THSD7B: variants seen among roughly 807,000 people sequenced by gnomAD.
The protein encoded by THSD7B is thrombospondin type 1 domain containing 7B.
In THSD7B, 138 loss-of-function variants were observed where a neutral mutation model predicts 213.6. The ratio of observed to expected loss-of-function variants is 0.65; its 90% CI spans 0.56 to 0.74. The LOEUF (loss-of-function observed/expected upper bound fraction) is 0.74. Ranked by LOEUF, THSD7B falls within the 30% of genes least tolerant of loss-of-function variation. THSD7B has a pLI of 0.00. For missense variants in THSD7B, 1,931 were observed against 1,991.5 expected, an observed-to-expected ratio of 0.97 and a Z score of 0.58; for synonymous variants, 742 against 687.0, an observed-to-expected ratio of 1.08 and a Z score of -1.25.
intron 1 of THSD7B, among the ~76,000 whole-genome samples, chr2:136,872,419 A>G (rs971188124): frequency 1.3e-5 from 2 of 151,902 alleles, no homozygotes; most frequent in Admixed American, 1.3e-4. Context: ...TTATTGGATA[A>G]GGGAACTCTC....
At chr2:136,858,626 A>ATGTAGC (rs1474613246) in intron 1 of THSD7B, among the ~76,000 whole-genome samples, 2 of 152,236 alleles carry the variant, frequency 1.3e-5, no homozygotes, top group African/African-American at 4.8e-5. Context: ...CACTGTGAAC[A>ATGTAGC]TGTAGCTTCA....
At position 137,487,694 on chromosome 2, in the gene THSD7B, A is replaced by T. The variant is rs1020392744; in HGVS notation, c.3138+36671A>T. Among the ~76,000 whole-genome samples the T allele has an allele frequency of 2.7e-5, 4 of 150,856 alleles. No homozygotes were observed. The Admixed American group carries it at 2.7e-4, about 10-fold the overall frequency. On this transcript the variant is annotated intron_variant, in intron 15 of 27. Coordinates refer to ENST00000409968, the MANE Select transcript of THSD7B (RefSeq NM_001316349.2). The stretch of plus-strand genomic sequence containing the variant: ...AGAATAGTACAAACACCTCTACGCA[A>T]ATAAAATAGAAAATCTAGAAGAAAT...
chr2:137,614,074 G>A (rs1365802713), intron 17 of THSD7B, among the ~76,000 whole-genome samples: 1 of 152,058 alleles, frequency 6.6e-6, no homozygotes, highest in African/African-American at 2.4e-5. Context: ...AATCCTCTTT[G>A]CCTGTTTCTA....
chr2:137,640,797 C>T (rs948976467), intron 20 of THSD7B, among the ~76,000 whole-genome samples: 2 of 152,194 alleles, frequency 1.3e-5, no homozygotes, highest in African/African-American at 4.8e-5. Flanking sequence ...CATAATATCA[C>T]ATCAATAATT....
intron 12 of THSD7B, among the ~76,000 whole-genome samples, chr2:137,402,999 T>C (rs1409921476): frequency 1.3e-5 from 2 of 152,168 alleles, no homozygotes; most frequent in African/African-American, 4.8e-5. Context: ...AACATTTGCT[T>C]GTACCCTACT....
At chr2:136,804,691 A>G (rs1219830110) in intron 1 of THSD7B, among the ~76,000 whole-genome samples, 1 of 152,168 alleles carries the variant, frequency 6.6e-6, no homozygotes, top group Non-Finnish European at 1.5e-5. Context: ...CCTCCTTCCT[A>G]CAGATAACCT....
intron 5 of THSD7B, among the ~76,000 whole-genome samples, chr2:137,137,606 T>A (rs988488704): frequency 6.6e-6 from 1 of 152,168 alleles, no homozygotes; most frequent in Non-Finnish European, 1.5e-5. Flanking sequence ...GTATGCCATA[T>A]AGCCTAGGTG....
chr2:137,059,456 C>T (rs1464214679), intron 3 of THSD7B, among the ~76,000 whole-genome samples: 1 of 152,110 alleles, frequency 6.6e-6, no homozygotes, highest in East Asian at 1.9e-4. Context: ...TGAATAATGA[C>T]ATGGATCCAC....
At chr2:137,411,335 G>A (rs1686646863) in intron 13 of THSD7B, among the ~76,000 whole-genome samples, 1 of 152,178 alleles carries the variant, frequency 6.6e-6, no homozygotes, top group African/African-American at 2.4e-5. Flanking sequence ...TAAATTAACT[G>A]GAATTCTCTA....
At chr2:137,317,141 T>C (rs1684129855) in intron 12 of THSD7B, among the ~76,000 whole-genome samples, 1 of 152,202 alleles carries the variant, frequency 6.6e-6, no homozygotes, top group Non-Finnish European at 1.5e-5. Flanking sequence ...TGATTTTTTT[T>C]CCTGTTCTTT....
chr2:137,116,277 T>C (rs1688446283), intron 5 of THSD7B, among the ~76,000 whole-genome samples: 1 of 152,224 alleles, frequency 6.6e-6, no homozygotes, highest in Non-Finnish European at 1.5e-5. Context: ...AAGGCCACAT[T>C]GACAGGGCTA....
At chr2:137,375,826 G>A (rs1365985095) in intron 12 of THSD7B, among the ~76,000 whole-genome samples, 1 of 152,086 alleles carries the variant, frequency 6.6e-6, no homozygotes, top group Admixed American at 6.6e-5. Context: ...CAAACAAAAT[G>A]AAAATAAATG....
In THSD7B at chr2:137,261,273, A is replaced by C. The variant is rs115607854; in HGVS notation, c.2267-11260A>C. On this transcript the variant is annotated intron_variant, in intron 10 of 27. Transcript: ENST00000409968. ...AGTGGGGTGGAAAAAACTTCTTGAA[A>C]GTGGTGACCCTCTGCTCAGTCTCAA... Among the ~76,000 whole-genome samples the C allele has an allele frequency of 5.9e-3, 905 of 152,268 alleles. 9 individuals are homozygous for C. Among genetic ancestry groups the C allele is most frequent in the African/African-American group, 0.02 (821 of 41,550 alleles).
At chr2:137,580,499 A>G (rs985536072) in intron 17 of THSD7B, among the ~76,000 whole-genome samples, 3 of 152,228 alleles carry the variant, frequency 2.0e-5, no homozygotes, top group Non-Finnish European at 4.4e-5. Context: ...ATAATATACA[A>G]TAATGACTTT....
At chr2:137,634,471 G>T (rs1573756070) in intron 20 of THSD7B, among the ~76,000 whole-genome samples, 1 of 152,138 alleles carries the variant, frequency 6.6e-6, no homozygotes, top group East Asian at 1.9e-4. Context: ...TTTGTTTCCA[G>T]TCAATAGGAA....
chr2:136,797,560 A>G (rs1033991675), intron 1 of THSD7B, among the ~76,000 whole-genome samples: 1 of 152,140 alleles, frequency 6.6e-6, no homozygotes, highest in Middle Eastern at 3.4e-3. Context: ...GCCATTGATT[A>G]TACATAATGT....
intron 16 of THSD7B, 29 bp downstream of exon 16, chr2:137,563,383 T>G: frequency 6.2e-7 from 1 of 1,609,482 alleles, no homozygotes; most frequent in Non-Finnish European, 8.5e-7. Context: ...ATTTGGGAAA[T>G]AGGGGGAAGT....
At chr2:137,037,450 T>C (rs1027254005) in intron 2 of THSD7B, among the ~76,000 whole-genome samples, 1 of 152,044 alleles carries the variant, frequency 6.6e-6, no homozygotes, top group African/African-American at 2.4e-5. Flanking sequence ...AGAGAAGGCA[T>C]GTTGTGAATA....
chr2:137,666,529 G>T (rs1228682536), intron 26 of THSD7B, among the ~76,000 whole-genome samples: 1 of 137,520 alleles, frequency 7.3e-6, no homozygotes, highest in Non-Finnish European at 1.6e-5. Context: ...AATAGATTTT[G>T]ATTGATTTCC....
Sources: allele counts gnomAD v4.1 joint callset (sites outside exome capture counted in the v4.1 genomes callset), GRCh38; gene constraint gnomAD v4.1.1; transcripts MANE v1.5; gene names NCBI Gene and HGNC (gene_info 2026-07-23, HGNC 2026-07-21).